Variants in TSPAN7 observed in about 807,000 individuals in gnomAD.
TSPAN7 encodes tetraspanin-7.
In TSPAN7, 1 loss-of-function variant was observed where a neutral mutation model predicts 17.6. The ratio of observed to expected loss-of-function variants is 0.06; its 90% CI spans 0.02 to 0.27. The LOEUF is 0.27. Among genes scored for constraint, TSPAN7 ranks in the 10% least tolerant of loss-of-function variants. The pLI, the probability that TSPAN7 is intolerant of heterozygous loss-of-function variation, is 1.00. For missense variants in TSPAN7, 112 were observed against 201.7 expected, an observed-to-expected ratio of 0.56 and a Z score of 2.69; for synonymous variants, 78 against 79.0, an observed-to-expected ratio of 0.99 and a Z score of 0.07.
At chrX:38,602,955 A>T (rs937512789) in intron 1 of TSPAN7, among the ~76,000 whole-genome samples, 5 of 112,129 alleles carry the variant, frequency 4.5e-5, no homozygotes, top group Non-Finnish European at 9.4e-5. Flanking sequence ...TCAGACAGAC[A>T]CATTCTGTGT....
Position 38,688,675 on chromosome X carries a change from T to G in TSPAN7, c.*744T>G, listed in dbSNP as rs1293786249. ...TTCTTGTGAAGGCCATGATATTTTG[T>G]TTTTCCCCAATTAATTGCTATTGTG... is the stretch of plus-strand genomic sequence containing the variant. On this transcript the variant is annotated 3_prime_UTR_variant, in exon 8 of 8. Coordinates refer to ENST00000378482, the MANE Select transcript of TSPAN7 (RefSeq NM_004615.4). 8.9e-6 allele frequency: 1 copy of G among 112,485 alleles called. No individual in the cohort carries two copies. The highest frequency in any genetic ancestry group is 1.9e-5 in the Non-Finnish European group (1 of 53,258). 9.3% of individuals were successfully genotyped at this position (112,485 alleles called of 1,213,427 possible).
chrX:38,642,286 A>T (rs996404423), intron 1 of TSPAN7, among the ~76,000 whole-genome samples: 3 of 111,898 alleles, frequency 2.7e-5, no homozygotes, highest in African/African-American at 9.8e-5. Flanking sequence ...AATGATGTTG[A>T]ATAAGGACAA....
At chrX:38,594,529 C>T (rs912437440) in intron 1 of TSPAN7, among the ~76,000 whole-genome samples, 22 of 111,199 alleles carry the variant, frequency 2.0e-4, no homozygotes, top group African/African-American at 6.5e-4. Context: ...CTTTTTCATC[C>T]CTTTCTCTAT....
At position 38,618,479 on chromosome X, in the gene TSPAN7, A is replaced by G. The variant is rs150726672; in HGVS notation, c.82-47642A>G. On this transcript the variant is annotated intron_variant, in intron 1 of 7. Coordinates refer to ENST00000378482, the MANE Select transcript of TSPAN7 (RefSeq NM_004615.4). ...TAGCGTGTATTTGGAAGTTACTGTC[A>G]AGTCAGGGTGCATGAGGCATAATTC... Among the ~76,000 whole-genome samples the G allele has an allele frequency of 6.2e-3, 694 of 111,762 alleles. 9 individuals carry two copies. Among genetic ancestry groups the G allele is most frequent in the African/African-American group, 0.021 (631 of 30,757 alleles).
chrX:38,611,992 A>T (rs778247650), intron 1 of TSPAN7, among the ~76,000 whole-genome samples: 2 of 111,184 alleles, frequency 1.8e-5, no homozygotes, highest in East Asian at 5.7e-4. Context: ...TAAACAATAT[A>T]TTGTATGGTT....
At position 38,575,763 on chromosome X, in the gene TSPAN7, T is replaced by C. The variant is rs768331927; in HGVS notation, c.81+14136T>C. Among the ~76,000 whole-genome samples, 5 of 112,392 alleles carry C rather than the reference T, an allele frequency of 4.4e-5. No individual in the cohort carries two copies. The South Asian group carries it at 1.8e-3, about 41-fold the overall frequency. On this transcript the variant is annotated intron_variant, in intron 1 of 7. Transcript: ENST00000378482. The stretch of plus-strand genomic sequence containing the variant: ...GGTTATAAAATTTTTAAAAATTATG[T>C]GACAAAAGGTACAATAAAGTCAAAC...
At chrX:38,564,136 C>G (rs1383573445) in intron 1 of TSPAN7, among the ~76,000 whole-genome samples, 1 of 110,443 alleles carries the variant, frequency 9.1e-6, no homozygotes, top group Non-Finnish European at 1.9e-5. Flanking sequence ...CCAATTTCAA[C>G]TTCCCACCCT....
intron 4 of TSPAN7, among the ~76,000 whole-genome samples, 169 bp from the exon 5 acceptor site, chrX:38,675,536 A>G (rs2069847661): frequency 8.9e-6 from 1 of 112,199 alleles, no homozygotes; most frequent in African/African-American, 3.2e-5. Flanking sequence ...ACAAGCATCA[A>G]TATGGGTATA....
At chrX:38,643,695 A>AAT (rs2069628034) in intron 1 of TSPAN7, among the ~76,000 whole-genome samples, 1 of 93,934 alleles carries the variant, frequency 1.1e-5, no homozygotes, top group Admixed American at 1.2e-4. Flanking sequence ...AAAAAAAAAA[A>AAT]TTAGCCAGAT....
At chrX:38,611,075 G>T (rs1341903729) in intron 1 of TSPAN7, among the ~76,000 whole-genome samples, 2 of 112,370 alleles carry the variant, frequency 1.8e-5, no homozygotes, top group African/African-American at 6.5e-5. Context: ...GACTTGGGCT[G>T]CATCTTCAGT....
chrX:38,584,417 C>T (rs1474013101), intron 1 of TSPAN7, among the ~76,000 whole-genome samples: 1 of 111,532 alleles, frequency 9.0e-6, no homozygotes, highest in East Asian at 2.8e-4. Context: ...TAGGGTGGGC[C>T]ATTCTGCCAT....
intron 1 of TSPAN7, among the ~76,000 whole-genome samples, chrX:38,656,808 A>G (rs1569312906): frequency 8.9e-6 from 1 of 111,956 alleles, no homozygotes; most frequent in Non-Finnish European, 1.9e-5. Flanking sequence ...CTCAAAGTTG[A>G]AATAAGACCT....
At position 38,628,757 on chromosome X, in the gene TSPAN7, CACATTT is replaced by C. The variant is rs756751984; in HGVS notation, c.82-37361_82-37356del. 1.1e-3 allele frequency among the ~76,000 whole-genome samples: 118 copies of C among 111,982 alleles called. 1 individual carries two copies. Among genetic ancestry groups the C allele is most frequent in the African/African-American group, 3.7e-3 (113 of 30,807 alleles). ...CAATTTATTTACTTGATTCTCATTT[CACATTT>C]ACCAGGTATTTGTTTTTGGGGGATT... is the stretch of plus-strand genomic sequence containing the variant. On this transcript the variant is annotated intron_variant, in intron 1 of 7. Coordinates refer to ENST00000378482, the MANE Select transcript of TSPAN7 (RefSeq NM_004615.4).
At chrX:38,595,372 T>G (rs897245245) in intron 1 of TSPAN7, among the ~76,000 whole-genome samples, 4 of 112,294 alleles carry the variant, frequency 3.6e-5, no homozygotes, top group African/African-American at 1.3e-4. Flanking sequence ...ACATTTTTAC[T>G]ATCATCTCTG....
At chrX:38,660,390 T>C (rs1189073224) in intron 1 of TSPAN7, among the ~76,000 whole-genome samples, 1 of 112,178 alleles carries the variant, frequency 8.9e-6, no homozygotes, top group Non-Finnish European at 1.9e-5. Context: ...CTCTACCTAA[T>C]CAGGTCCCAA....
At chrX:38,687,752 C>T (rs1471221120) in intron 7 of TSPAN7, 78 bp downstream of exon 7, 6 of 835,608 alleles carry the variant, frequency 7.2e-6, no homozygotes, top group Non-Finnish European at 1.0e-5. Flanking sequence ...TGCAGGAGTA[C>T]TCCCTGGCCA....
At chrX:38,649,655 G>A (rs950745409) in intron 1 of TSPAN7, among the ~76,000 whole-genome samples, 5 of 111,634 alleles carry the variant, frequency 4.5e-5, no homozygotes, top group Admixed American at 1.9e-4. Context: ...CCCAGGGTCC[G>A]TTCAGGGCAA....
At chrX:38,678,625 C>T (rs760927569) in intron 5 of TSPAN7, among the ~76,000 whole-genome samples, 1 of 111,836 alleles carries the variant, frequency 8.9e-6, no homozygotes, top group Non-Finnish European at 1.9e-5. Context: ...AAATGAACTT[C>T]GGGGTTCATG....
intron 2 of TSPAN7, among the ~76,000 whole-genome samples, chrX:38,666,853 G>A (rs762879890): frequency 9.5e-4 from 106 of 111,412 alleles, no homozygotes; most frequent in African/African-American, 3.2e-3. Context: ...ACCTGCCTCG[G>A]CCTCCCAAAG....
Sources: gnomAD v4.1 joint callset for allele counts (sites outside exome capture counted in the v4.1 genomes callset) on GRCh38, gnomAD v4.1.1 for gene constraint, MANE v1.5 for transcripts, NCBI Gene and HGNC (gene_info 2026-07-23, HGNC 2026-07-21) for gene names.